The following CPT1A variants were observed in gnomAD, a reference collection of about 807,000 sequenced individuals.
CPT1A encodes carnitine O-palmitoyltransferase 1, liver isoform.
Under a neutral mutation model 100.8 loss-of-function variants are expected in CPT1A, and 64 were observed. That is an observed-to-expected ratio of 0.63 (90% confidence interval 0.52 to 0.78). The LOEUF (loss-of-function observed/expected upper bound fraction) is 0.78, where lower values mean the gene tolerates loss of function less well. Ranked by LOEUF, CPT1A falls within the 30% of genes least tolerant of loss-of-function variation. The pLI is 0.00. For synonymous variants in CPT1A, 363 were observed against 396.0 expected, an observed-to-expected ratio of 0.92 and a Z score of 0.99; for missense variants, 802 against 1,034.1, an observed-to-expected ratio of 0.78 and a Z score of 3.08.
At chr11:68,842,484 G>A (rs544953757), upstream of CPT1A, among the ~76,000 whole-genome samples, 1 of 152,056 alleles carries the variant, frequency 6.6e-6, no homozygotes, top group Non-Finnish European at 1.5e-5. Flanking sequence ...ATTGGGTCCA[G>A]ATCTGATTCC....
chr11:68,843,638 T>G (rs974033148), upstream of CPT1A, among the ~76,000 whole-genome samples: 44 of 152,120 alleles, frequency 2.9e-4, no homozygotes, highest in African/African-American at 9.2e-4. The surrounding 1 kb of genome is among the most constrained non-coding windows in gnomAD (Gnocchi z 4.0). Flanking sequence ...ATCTCTCATC[T>G]CTCCTTTTAA....
In CPT1A at chr11:68,760,341, A is replaced by G. The variant is rs750722412; in HGVS notation, c.2029-3T>C. On this transcript the variant is annotated splice_region_variant and splice_polypyrimidine_tract_variant and intron_variant, in intron 16 of 18. Coordinates refer to ENST00000265641, the MANE Select transcript of CPT1A (RefSeq NM_001876.4). ...AATCTCCAAGGCTCAGATAAAACCT[A>G]TTGAGTGAAACAGGGAAATGTTTCC... 31 of 1,605,116 alleles carry G rather than the reference A, an allele frequency of 1.9e-5. No individual in the cohort carries two copies. Among genetic ancestry groups the G allele is most frequent in the Admixed American group, 8.5e-5 (5 of 59,010 alleles).
chr11:68,779,070 C>T (rs996055296), intron 12 of CPT1A, among the ~76,000 whole-genome samples: 5 of 152,118 alleles, frequency 3.3e-5, no homozygotes, highest in Admixed American at 6.5e-5. Flanking sequence ...AGGCGTGAGC[C>T]ACCGCGCCTG....
Position 68,761,528 on chromosome 11 carries a change from G to T in CPT1A, c.2028+7C>A. 1 of 1,613,600 alleles carries T rather than the reference G, an allele frequency of 6.2e-7. No individual in the cohort carries two copies. Among genetic ancestry groups the T allele is most frequent in the Non-Finnish European group, 8.5e-7 (1 of 1,179,684 alleles). The stretch of plus-strand genomic sequence containing the variant: ...TACAACTGACGGAAGAAGTGGAAGA[G>T]ACTTACTTCCTTAAGGAAAGGGGAC... On this transcript the variant is annotated splice_region_variant and intron_variant, in intron 16 of 18. Coordinates refer to ENST00000265641, the MANE Select transcript of CPT1A (RefSeq NM_001876.4).
rs771469040 is a variant in CPT1A at position 68,759,644 on chromosome 11, A to G, written c.2160T>C (p.Tyr720=). 1 of 1,613,566 alleles carries G rather than the reference A, an allele frequency of 6.2e-7. No homozygotes were observed. Among genetic ancestry groups the G allele is most frequent in the South Asian group, 1.1e-5 (1 of 91,074 alleles). Residue 720 remains tyrosine, a synonymous_variant, in exon 18 of 19, where the codon TAT becomes TAC. Coordinates refer to ENST00000265641, the MANE Select transcript of CPT1A (RefSeq NM_001876.4). The part of the protein sequence containing the change: ...GGFGPVADDG[Y]GVSYILVGEN... ...CTCCCACAAGGATGTACGACACACC[A>G]TAGCCGTCATCAGCAACCTGGAGGA...
intron 1 of CPT1A, among the ~76,000 whole-genome samples, chr11:68,838,571 T>TAAAAAAAAAAAAAAA (rs1177976460): frequency 0.17 from 12,320 of 73,624 alleles, 3,365 homozygotes; most frequent in South Asian, 0.27. Flanking sequence ...CTGCACCTTT[T>TAAAAAAAAAAAAAAA]TAAAAAAAAA....
intron 1 of CPT1A, among the ~76,000 whole-genome samples, chr11:68,816,720 A>C (rs2154001463): frequency 6.6e-6 from 1 of 151,558 alleles, no homozygotes; most frequent in African/African-American, 2.4e-5. Context: ...TAAGAGGAAA[A>C]AACTTTCAAG....
At chr11:68,825,979 AG>A (rs2154002202) in intron 1 of CPT1A, among the ~76,000 whole-genome samples, 1 of 152,310 alleles carries the variant, frequency 6.6e-6, no homozygotes, top group Admixed American at 6.5e-5. Context: ...CTCCAGACAC[AG>A]GGCAGAGGGT....
Position 68,754,981 on chromosome 11 carries a change from CG to C in CPT1A, c.*2662del. ...AAGAGCATACTGTATTTACATGCAC[CG>C]GTCAGCCCAAGATAACAAATTCAAA... On this transcript the variant is annotated 3_prime_UTR_variant, in exon 19 of 19. Transcript: ENST00000265641. 1 of 662,904 alleles carries C rather than the reference CG, an allele frequency of 1.5e-6. No individual in the cohort carries two copies. 41.1% of individuals were successfully genotyped at this position (662,904 alleles called of 1,614,324 possible).
In CPT1A at chr11:68,815,406, C is replaced by T; in HGVS notation, c.69G>A (p.Leu23=). Residue 23 remains leucine (L), a synonymous_variant, in exon 2 of 19, where the codon CTG becomes CTA. Coordinates refer to ENST00000265641, the MANE Select transcript of CPT1A (RefSeq NM_001876.4). ...AGATTTGTCTAAGAGCTTCATGGCT[C>T]AGCCGCAGGTCAATCCCGTCCGGAG... is the stretch of plus-strand genomic sequence containing the variant. ...TVTPDGIDLR[L]SHEALRQIYL... The T allele has an allele frequency of 6.2e-7, 1 of 1,614,162 alleles. No homozygotes were observed. Among genetic ancestry groups the T allele is most frequent in the Non-Finnish European group, 8.5e-7 (1 of 1,180,008 alleles).
chr11:68,786,951 C>A (rs1423707368), intron 9 of CPT1A, among the ~76,000 whole-genome samples: 1 of 152,166 alleles, frequency 6.6e-6, no homozygotes, highest in Non-Finnish European at 1.5e-5. Flanking sequence ...TTTAAAGTCA[C>A]AAACAAGACA....
At chr11:68,802,853 C>T (rs1172820977) in intron 5 of CPT1A, among the ~76,000 whole-genome samples, 5 of 146,270 alleles carry the variant, frequency 3.4e-5, no homozygotes, top group Non-Finnish European at 4.5e-5. Context: ...GCCAAGATCG[C>T]GCCACTGCAC....
intron 1 of CPT1A, among the ~76,000 whole-genome samples, chr11:68,836,499 G>A (rs1337042381): frequency 6.6e-6 from 1 of 152,036 alleles, no homozygotes; most frequent in Non-Finnish European, 1.5e-5. Flanking sequence ...AACTCCTGGC[G>A]CAGTGGCTCA....
chr11:68,813,782 G>A (rs1051964916), intron 2 of CPT1A, among the ~76,000 whole-genome samples: 75 of 152,098 alleles, frequency 4.9e-4, no homozygotes, highest in African/African-American at 1.8e-3. Flanking sequence ...CTGCATCCAA[G>A]TTTCTATTTT....
chr11:68,823,258 C>A (rs1352153508), intron 1 of CPT1A, among the ~76,000 whole-genome samples: 1 of 151,786 alleles, frequency 6.6e-6, no homozygotes, highest in South Asian at 2.1e-4. Flanking sequence ...TCAAAAAAAA[C>A]CCAAACTCAC....
intron 14 of CPT1A, among the ~76,000 whole-genome samples, chr11:68,773,016 C>T (rs1855033989): frequency 1.3e-5 from 2 of 152,220 alleles, no homozygotes; most frequent in Non-Finnish European, 2.9e-5. Context: ...ACTTTGTCCT[C>T]ATCCCCCAGA....
chr11:68,801,212 G>A (rs1855896907), intron 5 of CPT1A, among the ~76,000 whole-genome samples: 2 of 152,262 alleles, frequency 1.3e-5, no homozygotes, highest in South Asian at 4.1e-4. Context: ...AGCTGAAGTG[G>A]AACCCCGAGC....
At chr11:68,818,778 A>C (rs1856500978) in intron 1 of CPT1A, 1 of 152,266 alleles carries the variant, frequency 6.6e-6, no homozygotes, top group Non-Finnish European at 1.5e-5. Flanking sequence ...GGATCCCTTG[A>C]GCTCAGGAGG....
chr11:68,788,986 CAT>C (rs1280287498), intron 9 of CPT1A, among the ~76,000 whole-genome samples: 1 of 152,036 alleles, frequency 6.6e-6, no homozygotes, highest in Non-Finnish European at 1.5e-5. Flanking sequence ...AGGGGAGAAA[CAT>C]ACACAGAATT....
Sources: allele counts gnomAD v4.1 joint callset (sites outside exome capture counted in the v4.1 genomes callset), GRCh38; gene constraint gnomAD v4.1.1; non-coding constraint Gnocchi (gnomAD v3.1); transcripts MANE v1.5; gene names NCBI Gene and HGNC (gene_info 2026-07-23, HGNC 2026-07-21).